The following EDA variants were observed in gnomAD, a reference collection of about 807,000 sequenced individuals.
EDA encodes ectodysplasin A.
Under a neutral mutation model 23.6 loss-of-function variants are expected in EDA, and 2 were observed. The observed-to-expected ratio is 0.08, with a 90% CI of 0.03 to 0.27. EDA has a LOEUF of 0.27. Ranked by LOEUF, EDA falls within the 10% of genes least tolerant of loss-of-function variation. The probability of loss-of-function intolerance (pLI) is 1.00; values close to 1 mark genes in which losing one functional copy is unlikely to be tolerated. For synonymous variants in EDA, 131 were observed against 132.0 expected (o/e 0.99, Z 0.05); for missense variants, 229 against 324.2 (o/e 0.71, Z 2.26).
Position 69,822,937 on chromosome X carries a change from A to T in EDA, c.397-134090A>T, listed in dbSNP as rs1271865915. ...GTTCAATTCCCACCTATGAGTGAGA[A>T]TATGCGGTGTTTTGTTTTTTGTTCT... On this transcript the variant is annotated intron_variant, in intron 1 of 7. Coordinates refer to ENST00000374552, the MANE Select transcript of EDA (RefSeq NM_001399.5). Among the ~76,000 whole-genome samples, 3 of 95,851 alleles carry T rather than the reference A, an allele frequency of 3.1e-5. No individual in the cohort carries two copies. The East Asian group carries it at 1.0e-3, about 33-fold the overall frequency. 83.2% of individuals were successfully genotyped at this position (95,851 alleles called of 115,157 possible).
At chrX:69,709,593 A>G (rs1373178285) in intron 1 of EDA, among the ~76,000 whole-genome samples, 2 of 111,897 alleles carry the variant, frequency 1.8e-5, no homozygotes, top group African/African-American at 6.5e-5. Context: ...GGGAGGGTGA[A>G]CGAGTTTTTT....
intron 1 of EDA, among the ~76,000 whole-genome samples, chrX:69,750,831 G>A (rs1255896473): frequency 8.9e-6 from 1 of 112,056 alleles, no homozygotes; most frequent in Admixed American, 9.4e-5. Context: ...CTTTTGAGAA[G>A]TGTCTGTTCA....
At chrX:69,678,656 T>G (rs1306517635) in intron 1 of EDA, among the ~76,000 whole-genome samples, 1 of 104,430 alleles carries the variant, frequency 9.6e-6, no homozygotes, top group Non-Finnish European at 2.0e-5. Flanking sequence ...TGCTTGTGAT[T>G]TTTGTACATT....
At chrX:69,791,331 C>T (rs933009864) in intron 1 of EDA, among the ~76,000 whole-genome samples, 5 of 111,708 alleles carry the variant, frequency 4.5e-5, no homozygotes, top group Admixed American at 9.5e-5. Flanking sequence ...ATGTTAATTA[C>T]TTCTCACAAA....
At chrX:69,956,924 C>G in intron 1 of EDA, 103 bp from the exon 2 acceptor site, 2 of 712,936 alleles carry the variant, frequency 2.8e-6, no homozygotes, top group Non-Finnish European at 4.4e-6. Flanking sequence ...TTAGACACAT[C>G]AAACTTAAGG....
intron 1 of EDA, among the ~76,000 whole-genome samples, chrX:69,778,479 A>G (rs1569327662): frequency 1.8e-5 from 2 of 111,705 alleles, no homozygotes; most frequent in Non-Finnish European, 3.8e-5. Flanking sequence ...CTCCTCCATA[A>G]GCTATTTGGA....
intron 1 of EDA, among the ~76,000 whole-genome samples, chrX:69,624,263 A>G (rs1355807634): frequency 9.0e-6 from 1 of 111,429 alleles, no homozygotes; most frequent in Non-Finnish European, 1.9e-5. Context: ...TAGAATTTTC[A>G]TTTGGTTCTT....
intron 1 of EDA, among the ~76,000 whole-genome samples, chrX:69,929,754 G>GTGTGTGTGT (rs2018573474): frequency 1.1e-5 from 1 of 94,311 alleles, no homozygotes; most frequent in East Asian, 3.2e-4. Flanking sequence ...GTGTGTGTGT[G>GTGTGTGTGT]ATGTATAATG....
At chrX:69,682,658 C>T (rs1343722074) in intron 1 of EDA, among the ~76,000 whole-genome samples, 1 of 112,054 alleles carries the variant, frequency 8.9e-6, no homozygotes, top group Non-Finnish European at 1.9e-5. Context: ...CCGAGTGAGG[C>T]AATGCCTCGC....
At chrX:69,915,557 C>A (rs1199823815) in intron 1 of EDA, among the ~76,000 whole-genome samples, 14 of 102,357 alleles carry the variant, frequency 1.4e-4, no homozygotes, top group Non-Finnish European at 2.0e-4. Flanking sequence ...GAGCCAAGAT[C>A]GTGCCATTGC....
At chrX:69,818,950 C>A (rs758156508) in intron 1 of EDA, among the ~76,000 whole-genome samples, 1 of 111,933 alleles carries the variant, frequency 8.9e-6, no homozygotes. Flanking sequence ...CCTTAGTGAA[C>A]GTTGATGCAA....
intron 1 of EDA, among the ~76,000 whole-genome samples, chrX:69,639,991 A>G (rs1932822292): frequency 1.8e-5 from 2 of 111,990 alleles, no homozygotes; most frequent in Admixed American, 9.5e-5. Flanking sequence ...AGTTTTCCTA[A>G]TGCCATTTGT....
At chrX:69,641,507 A>C (rs778444473) in intron 1 of EDA, among the ~76,000 whole-genome samples, 119 of 112,020 alleles carry the variant, frequency 1.1e-3, no homozygotes, top group African/African-American at 3.8e-3. Flanking sequence ...AAAGGTTTCT[A>C]ACAAAAATAA....
chrX:69,663,368 G>C (rs1412140075), intron 1 of EDA, among the ~76,000 whole-genome samples: 1 of 112,408 alleles, frequency 8.9e-6, no homozygotes, highest in African/African-American at 3.2e-5. Flanking sequence ...AAGGGGCCAA[G>C]GTACAACTCG....
At chrX:70,019,458 G>A (rs906225964) in intron 2 of EDA, among the ~76,000 whole-genome samples, 3 of 112,053 alleles carry the variant, frequency 2.7e-5, no homozygotes, top group South Asian at 3.7e-4. Context: ...GACCATCAAC[G>A]GTAGACTGGA....
chrX:69,883,629 T>C (rs1277454904), intron 1 of EDA, among the ~76,000 whole-genome samples: 1 of 111,951 alleles, frequency 8.9e-6, no homozygotes, highest in Non-Finnish European at 1.9e-5. Flanking sequence ...CTAATTGGGA[T>C]TTCTTTGGTT....
At chrX:69,951,086 TATAATA>T (rs2018917355) in intron 1 of EDA, among the ~76,000 whole-genome samples, 1 of 86,492 alleles carries the variant, frequency 1.2e-5, no homozygotes, top group Non-Finnish European at 2.3e-5. Flanking sequence ...AAACTTAAAG[TATAATA>T]ATAATAAATA....
chrX:69,710,386 T>A (rs1434923679), intron 1 of EDA, among the ~76,000 whole-genome samples: 2 of 111,408 alleles, frequency 1.8e-5, no homozygotes, highest in East Asian at 5.6e-4. Context: ...ACCATGCTGT[T>A]TTGGTTACTG....
At chrX:69,735,803 C>T (rs781397962) in intron 1 of EDA, among the ~76,000 whole-genome samples, 1 of 111,724 alleles carries the variant, frequency 9.0e-6, no homozygotes, top group Non-Finnish European at 1.9e-5. Context: ...AGTTCCACAA[C>T]TAGGGCTTTT....
Sources: gnomAD v4.1 joint callset for allele counts (sites outside exome capture counted in the v4.1 genomes callset) on GRCh38, gnomAD v4.1.1 for gene constraint, MANE v1.5 for transcripts, NCBI Gene and HGNC (gene_info 2026-07-23, HGNC 2026-07-21) for gene names.